PCDHGB3: variants seen among roughly 807,000 people sequenced by gnomAD.
PCDHGB3 encodes the protein protocadherin gamma-B3.
A neutral mutation model predicts 59.2 loss-of-function variants in PCDHGB3; 40 were observed. That is an observed-to-expected ratio of 0.68 (90% CI 0.52 to 0.88). The LOEUF (loss-of-function observed/expected upper bound fraction) is 0.88. Among genes scored for constraint, PCDHGB3 ranks in the 40% least tolerant of loss-of-function variants. The probability of loss-of-function intolerance (pLI) is 0.00; values close to 1 mark genes in which losing one functional copy is unlikely to be tolerated. For synonymous variants in PCDHGB3, 581 were observed against 503.6 expected (o/e 1.15, Z -2.06); for missense variants, 1,309 against 1,187.9 (o/e 1.10, Z -1.50).
At chr5:141,375,882 A>G in intron 1 of PCDHGB3, 1 of 1,613,814 alleles carries the variant, frequency 6.2e-7, no homozygotes, top group Non-Finnish European at 8.5e-7. Flanking sequence ...GACTCGGGCC[A>G]GAACGCCTGG....
chr5:141,379,862 T>G (rs1157385498), intron 1 of PCDHGB3, among the ~76,000 whole-genome samples: 2 of 150,480 alleles, frequency 1.3e-5, no homozygotes, highest in African/African-American at 4.9e-5. Flanking sequence ...TATTGTCTTA[T>G]TCTTATTTTA....
chr5:141,455,047 C>T (rs2098811276), intron 1 of PCDHGB3, among the ~76,000 whole-genome samples: 1 of 150,004 alleles, frequency 6.7e-6, no homozygotes, highest in African/African-American at 2.5e-5. Context: ...CTCCTGACCT[C>T]GTGATCCGCC....
intron 1 of PCDHGB3, chr5:141,441,667 A>C: frequency 3.7e-6 from 1 of 267,984 alleles, no homozygotes; most frequent in Non-Finnish European, 7.4e-6. Flanking sequence ...TTGAGCGCAC[A>C]GTGCGCCTTC....
intron 2 of PCDHGB3, among the ~76,000 whole-genome samples, chr5:141,503,448 C>T (rs765046868): frequency 2.0e-5 from 3 of 151,808 alleles, no homozygotes; most frequent in South Asian, 2.1e-4. Context: ...TACAAAAATT[C>T]GCTGGGCATG....
Position 141,372,713 on chromosome 5 carries a change from A to T in PCDHGB3, c.2319A>T (p.Glu773Asp). The change falls in exon 1 of 4, where the codon GAA (glutamate) becomes GAT (aspartate). Residue 773 changes from glutamate (E) to aspartate (D), a missense_variant. Physicochemically the swap from Glu to Asp is conservative, Grantham distance 45. Coordinates refer to ENST00000576222, the MANE Select transcript of PCDHGB3 (RefSeq NM_018924.5). The part of the protein sequence containing the change: ...TEFKFLNIKA[E>D]NAAPQDLLCD... ...TTAAATTTCTCAATATAAAGGCTGAAAATGCTGCACCACAAGATCTTCTAT... is the reference window on the plus strand; with the variant it reads ...TTAAATTTCTCAATATAAAGGCTGATAATGCTGCACCACAAGATCTTCTAT... 1.2e-6 allele frequency: 2 copies of T among 1,613,998 alleles called. No individual in the cohort carries two copies. Among genetic ancestry groups the T allele is most frequent in the South Asian group, 2.2e-5 (2 of 91,080 alleles).
rs764389909 is a variant in PCDHGB3, at chr5:141,491,064, ACTGTTG to A, written c.2416-3741_2416-3736del. On this transcript the variant is annotated intron_variant, in intron 1 of 3. Transcript: ENST00000576222. The surrounding 1 kb of genome is among the most constrained non-coding windows in gnomAD (Gnocchi z 6.9). ...GCCACAATGCGTGGCTCTCCTACTCACTGTTGCCACAGTCCACAGCCCCAGGACTGT... is the reference window on the plus strand; with the variant it reads ...GCCACAATGCGTGGCTCTCCTACTCACCACAGTCCACAGCCCCAGGACTGT... 1.2e-6 allele frequency: 2 copies of A among 1,613,962 alleles called. No homozygotes were observed. Among genetic ancestry groups the A allele is most frequent in the Admixed American group, 3.3e-5 (2 of 60,010 alleles).
At chr5:141,427,951 A>G in intron 1 of PCDHGB3, 1 of 1,586,612 alleles carries the variant, frequency 6.3e-7, no homozygotes, top group Non-Finnish European at 8.6e-7. Flanking sequence ...CTCAATGACA[A>G]TGTGCCGCGG....
intron 1 of PCDHGB3, among the ~76,000 whole-genome samples, chr5:141,481,153 A>G (rs1376488411): frequency 2.0e-5 from 3 of 152,224 alleles, no homozygotes; most frequent in Non-Finnish European, 4.4e-5. Context: ...TTATTCTGGT[A>G]TTTGCAGAAC....
chr5:141,477,519 A>C lies in PCDHGB3; in HGVS notation c.2416-17288A>C, dbSNP rs1255751458. 1 of 1,614,174 alleles carries C rather than the reference A, an allele frequency of 6.2e-7. No individual in the cohort carries two copies. The highest frequency in any genetic ancestry group is 2.2e-5 in the East Asian group (1 of 44,882). Reference sequence around the variant, plus strand: ...TCTTCCTACGACGTTTACATTGAAGAAAACAACCTCCCCGGGGCTCCAATA... The same window carrying C: ...TCTTCCTACGACGTTTACATTGAAGCAAACAACCTCCCCGGGGCTCCAATA... On this transcript the variant is annotated intron_variant, in intron 1 of 3. Transcript: ENST00000576222. The surrounding 1 kb of genome is among the most constrained non-coding windows in gnomAD (Gnocchi z 4.9).
chr5:141,393,194 C>T (rs770162660), intron 1 of PCDHGB3: 4 of 1,613,360 alleles, frequency 2.5e-6, no homozygotes, highest in Non-Finnish European at 2.5e-6. Flanking sequence ...TTGATATTAA[C>T]GATAATAACC....
intron 1 of PCDHGB3, chr5:141,423,553 T>G: frequency 2.5e-6 from 4 of 1,613,548 alleles, no homozygotes; most frequent in Non-Finnish European, 3.4e-6. Flanking sequence ...CCAGCCCAAC[T>G]ATGGGGACAC....
chr5:141,508,241 T>G (rs1475142426), intron 3 of PCDHGB3: 2 of 152,286 alleles, frequency 1.3e-5, no homozygotes, highest in East Asian at 3.9e-4. Context: ...CTCCTAAGTC[T>G]GCCTCTCCTG....
At position 141,392,616 on chromosome 5, in the gene PCDHGB3, G is replaced by A. The variant is rs912385052; in HGVS notation, c.2415+19807G>A. 8 of 535,918 alleles carry A rather than the reference G, an allele frequency of 1.5e-5. No individual in the cohort carries two copies. In the South Asian group the frequency reaches 2.7e-4, roughly 18 times the overall value. The allele number at this position is 535,918 out of a possible 1,614,324, so 33.2% of individuals were successfully genotyped here. ...CACCTACTGGAAGACAAATGCAACC[G>A]AAAACACTCAGATCTCACACCTCAC... On this transcript the variant is annotated intron_variant, in intron 1 of 3. Transcript: ENST00000576222.
At chr5:141,423,754 GGGGGGGT>G in intron 1 of PCDHGB3, 1 of 577,826 alleles carries the variant, frequency 1.7e-6, no homozygotes, top group Non-Finnish European at 2.2e-6. Flanking sequence ...ACTGTTTGGG[GGGGGGGT>G]GGGGCGGCAT....
In PCDHGB3 at chr5:141,489,993, C is replaced by T. The variant is rs1413894892; in HGVS notation, c.2416-4814C>T. 18 of 1,614,186 alleles carry T rather than the reference C, an allele frequency of 1.1e-5. No individual in the cohort carries two copies. The highest frequency in any genetic ancestry group is 1.5e-5 in the Non-Finnish European group (18 of 1,179,990). On this transcript the variant is annotated intron_variant, in intron 1 of 3. Transcript: ENST00000576222. The surrounding 1 kb of genome is among the most constrained non-coding windows in gnomAD (Gnocchi z 4.5). ...AATCCTCAGTTCTACGTGTGGGAAT[C>T]CCAGAGAATGCACCCATTGGTACTC...
intron 1 of PCDHGB3, chr5:141,388,663 C>G: frequency 1.9e-6 from 3 of 1,613,928 alleles, no homozygotes; most frequent in East Asian, 2.2e-5. Flanking sequence ...CCGGGGACCA[C>G]GGTGCTACAG....
intron 1 of PCDHGB3, among the ~76,000 whole-genome samples, chr5:141,466,558 C>T (rs1407160827): frequency 6.6e-6 from 1 of 152,120 alleles, no homozygotes; most frequent in Non-Finnish European, 1.5e-5. Flanking sequence ...CTGTGGGCTT[C>T]ATCTTCAACA....
chr5:141,390,214 T>G, intron 1 of PCDHGB3: 1 of 1,614,064 alleles, frequency 6.2e-7, no homozygotes, highest in Non-Finnish European at 8.5e-7. Flanking sequence ...GGACAAGACA[T>G]ACTTTGCGGT....
chr5:141,506,025 A>T (rs2099850088), intron 3 of PCDHGB3, among the ~76,000 whole-genome samples: 1 of 152,150 alleles, frequency 6.6e-6, no homozygotes, highest in African/African-American at 2.4e-5. Context: ...CCCTAACTCC[A>T]GAGTAGGATT....
Sources: gnomAD v4.1 joint callset for allele counts (sites outside exome capture counted in the v4.1 genomes callset) on GRCh38, gnomAD v4.1.1 for gene constraint, Gnocchi (gnomAD v3.1) non-coding constraint, MANE v1.5 for transcripts, NCBI Gene and HGNC (gene_info 2026-07-23, HGNC 2026-07-21) for gene names.